Variants in STMN1 observed in about 807,000 individuals in gnomAD.
The protein encoded by STMN1 is stathmin.
STMN1 carries 3 observed loss-of-function variants against 19.7 expected under a neutral mutation model. The observed-to-expected ratio is 0.15, with a 90% confidence interval of 0.07 to 0.39. The LOEUF is 0.39. Among genes scored for constraint, STMN1 ranks in the 10% least tolerant of loss-of-function variants. The pLI, the probability that STMN1 is intolerant of heterozygous loss-of-function variation, is 1.00. For synonymous variants in STMN1, 59 were observed against 58.9 expected (o/e 1.00, Z -0.01); for missense variants, 99 against 176.0 (o/e 0.56, Z 2.48).
chr1:25,901,880 G>C, intron 3 of STMN1, 198 bp from the exon 4 acceptor site: 1 of 366,186 alleles, frequency 2.7e-6, no homozygotes, highest in Non-Finnish European at 4.8e-6. Context: ...CGTGGTGGCG[G>C]GTGCCTGTAG....
At chr1:25,895,189 A>C (rs1214826650), downstream of STMN1, among the ~76,000 whole-genome samples, 1 of 139,900 alleles carries the variant, frequency 7.1e-6, no homozygotes, top group Non-Finnish European at 1.5e-5. Context: ...TGCAACCTCT[A>C]CCTCCCGGGT....
intron 4 of STMN1, among the ~76,000 whole-genome samples, chr1:25,887,859 G>C (rs1167407685): frequency 6.6e-6 from 1 of 152,114 alleles, no homozygotes; most frequent in Non-Finnish European, 1.5e-5. Flanking sequence ...GCTAATTTTT[G>C]TATTTTTAAT....
chr1:25,892,722 G>T, intron 4 of STMN1: 1 of 396,608 alleles, frequency 2.5e-6, no homozygotes, highest in Non-Finnish European at 3.4e-6. Context: ...ACACGGGACA[G>T]CACTACCCCA....
At position 25,901,635 on chromosome 1, in the gene STMN1, G is replaced by A. The variant is rs376696987; in HGVS notation, c.234C>T (p.His78=). 2.2e-5 allele frequency: 36 copies of A among 1,612,428 alleles called. No homozygotes were observed. Among genetic ancestry groups the A allele is most frequent in the African/African-American group, 4.0e-5 (3 of 74,720 alleles). ...VLKQLAEKRE[H]EKEVLQKAIE... Reference sequence around the variant, plus strand: ...TTGCCTTCTGAAGCACTTCTTTCTCGTGCTCTCGTTTCTCAGCCAGCTGCT... The same window carrying A: ...TTGCCTTCTGAAGCACTTCTTTCTCATGCTCTCGTTTCTCAGCCAGCTGCT... Residue 78 remains histidine, a synonymous_variant, in exon 4 of 5, where the codon CAC becomes CAT. Transcript: ENST00000455785.
chr1:25,888,245 G>A (rs951643379), intron 4 of STMN1, among the ~76,000 whole-genome samples: 1 of 152,084 alleles, frequency 6.6e-6, no homozygotes, highest in East Asian at 1.9e-4. Flanking sequence ...CTAACATCAC[G>A]AGTGGGTGAG....
rs1046393597 is a variant in STMN1 at position 25,890,256 on chromosome 1, C to T, written c.379-4387G>A. ...GGGGACGCAACACATGAGGTATGTC[C>T]GAAACTGGACTAACATCCCAGCCCT... is the stretch of plus-strand genomic sequence containing the variant. On this transcript the variant is annotated intron_variant, in intron 4 of 4. Transcript: ENST00000426559. 5.3e-5 allele frequency among the ~76,000 whole-genome samples: 8 copies of T among 152,172 alleles called. 1 individual carries two copies. Among genetic ancestry groups the T allele is most frequent in the African/African-American group, 1.9e-4 (8 of 41,504 alleles).
At chr1:25,887,975 G>A (rs1327874554) in intron 4 of STMN1, among the ~76,000 whole-genome samples, 10 of 152,122 alleles carry the variant, frequency 6.6e-5, no homozygotes, top group African/African-American at 1.9e-4. Flanking sequence ...GTGAGCCACC[G>A]TGCCCGGCCC....
chr1:25,894,444 T>G (rs942120965), intron 4 of STMN1, among the ~76,000 whole-genome samples: 1 of 152,120 alleles, frequency 6.6e-6, no homozygotes, highest in Non-Finnish European at 1.5e-5. Flanking sequence ...CTCTGGGAAG[T>G]TGAGGCTGGT....
chr1:25,901,715 T>C, intron 3 of STMN1, 33 bp from the exon 4 acceptor site: 1 of 1,579,974 alleles, frequency 6.3e-7, no homozygotes, highest in Non-Finnish European at 8.6e-7. Flanking sequence ...CTAGGCACTC[T>C]AAAATGTATT....
rs1005392160 is a variant in STMN1, at chr1:25,905,505, A to G, written c.-62-767T>C. On this transcript the variant is annotated intron_variant, in intron 1 of 4. Coordinates refer to ENST00000455785, the MANE Select transcript of STMN1 (RefSeq NM_005563.4). ...GGGCGTGGCCCTGGTCCGGGCGAGG[A>G]AAAGAGGACCGGTCGCCCCCGGCCA... 4.6e-5 allele frequency: 7 copies of G among 152,298 alleles called. No individual in the cohort carries two copies. In the South Asian group the frequency reaches 1.4e-3, roughly 32 times the overall value. 9.4% of individuals were successfully genotyped at this position (152,298 alleles called of 1,614,324 possible).
At chr1:25,890,016 G>A (rs2048758456) in intron 4 of STMN1, among the ~76,000 whole-genome samples, 1 of 152,150 alleles carries the variant, frequency 6.6e-6, no homozygotes, top group Non-Finnish European at 1.5e-5. Flanking sequence ...TTTATAGTCT[G>A]TCTTCTCCCC....
intron 4 of STMN1, among the ~76,000 whole-genome samples, chr1:25,889,618 A>C (rs1284047644): frequency 6.6e-6 from 1 of 151,950 alleles, no homozygotes; most frequent in African/African-American, 2.4e-5. Context: ...TCACTGTCCA[A>C]GCCACTCTCA....
intron 4 of STMN1, among the ~76,000 whole-genome samples, chr1:25,893,689 C>T (rs1285108773): frequency 6.6e-6 from 1 of 152,160 alleles, no homozygotes; most frequent in Non-Finnish European, 1.5e-5. Flanking sequence ...TACAGGCACC[C>T]GCCATCACGC....
At chr1:25,894,483 C>T (rs555303284) in intron 4 of STMN1, among the ~76,000 whole-genome samples, 12 of 152,252 alleles carry the variant, frequency 7.9e-5, no homozygotes, top group African/African-American at 1.7e-4. Context: ...AGTTCGAGAC[C>T]GGCCTGGGCA....
At chr1:25,894,824 G>A (rs894203377) in intron 4 of STMN1, among the ~76,000 whole-genome samples, 10 of 152,052 alleles carry the variant, frequency 6.6e-5, no homozygotes, top group East Asian at 3.9e-4. Flanking sequence ...CTCCCTCCTC[G>A]GCCTCCCAAA....
In STMN1 at chr1:25,900,290, G is replaced by A. The variant is rs1320064288; in HGVS notation, c.*726C>T. 1.0e-6 allele frequency: 1 copy of A among 985,692 alleles called. No individual in the cohort carries two copies. Among genetic ancestry groups the A allele is most frequent in the Non-Finnish European group, 1.2e-6 (1 of 829,938 alleles). The allele number at this position is 985,692 out of a possible 1,614,324, so 61.1% of individuals were successfully genotyped here. A position where few individuals can be genotyped will look rare whatever the true frequency, so the allele number is the denominator to read the frequency against. On this transcript the variant is annotated 3_prime_UTR_variant, in exon 5 of 5. Coordinates refer to ENST00000455785, the MANE Select transcript of STMN1 (RefSeq NM_005563.4). ...AGAAACACGCTTGTGCTTTTAATCT[G>A]CCTTTTAAAAGGGACACAGAACAAA...
rs187539358 is a variant in STMN1, at chr1:25,889,693, C to T, written c.379-3824G>A. ...TTCTCCTCCTGGTGGCTGAAGAATT[C>T]TTTACACATGTAATCTGATCACATC... is the stretch of plus-strand genomic sequence containing the variant. On this transcript the variant is annotated intron_variant, in intron 4 of 4. Transcript: ENST00000426559. Among the ~76,000 whole-genome samples the T allele has an allele frequency of 1.2e-3, 190 of 152,326 alleles. 2 individuals carry two copies. Among genetic ancestry groups the T allele is most frequent in the African/African-American group, 4.4e-3 (184 of 41,574 alleles).
rs1398573078 is a variant in STMN1 at position 25,901,424 on chromosome 1, T to C, written c.378+67A>G. Reference sequence around the variant, plus strand: ...ACCAAACACCTTTTATCAAAGCACTTAGTTCAAGCCAACTCATTGGTGCAT... The same window carrying C: ...ACCAAACACCTTTTATCAAAGCACTCAGTTCAAGCCAACTCATTGGTGCAT... On this transcript the variant is annotated intron_variant, in intron 4 of 4. Transcript: ENST00000455785. 4 of 1,513,914 alleles carry C rather than the reference T, an allele frequency of 2.6e-6. No individual in the cohort carries two copies. In the African/African-American group the frequency reaches 5.6e-5, roughly 21 times the overall value. 93.8% of individuals were successfully genotyped at this position (1,513,914 alleles called of 1,614,324 possible). A position where few individuals can be genotyped will look rare whatever the true frequency, so the allele number is the denominator to read the frequency against.
intron 4 of STMN1, among the ~76,000 whole-genome samples, chr1:25,893,974 T>TATTC (rs921821439): frequency 6.6e-6 from 1 of 152,216 alleles, no homozygotes; most frequent in African/African-American, 2.4e-5. Flanking sequence ...TCTTTGCTTC[T>TATTC]ATTCCCTAAA....
Sources: gnomAD v4.1 joint callset for allele counts (sites outside exome capture counted in the v4.1 genomes callset) on GRCh38, gnomAD v4.1.1 for gene constraint, MANE v1.5 for transcripts, NCBI Gene and HGNC (gene_info 2026-07-23, HGNC 2026-07-21) for gene names.